CNTNAP3B: variants seen among roughly 807,000 people sequenced by gnomAD.
CNTNAP3B encodes contactin associated protein family member 3B, also known as contactin-associated protein-like 3B.
CNTNAP3B carries 25 observed loss-of-function variants against 108.9 expected under a neutral mutation model. That is an observed-to-expected ratio of 0.23 (90% CI 0.17 to 0.32). The LOEUF is 0.32. CNTNAP3B is among the 10% of genes least tolerant of loss of function. The probability of loss-of-function intolerance (pLI) is 1.00; values close to 1 mark genes in which losing one functional copy is unlikely to be tolerated. For synonymous variants in CNTNAP3B, 103 were observed against 473.4 expected (o/e 0.22, Z 10.16); for missense variants, 252 against 1,210.4 (o/e 0.21, Z 11.75).
intron 1 of CNTNAP3B, among the ~76,000 whole-genome samples, chr9:42,116,572 C>G (rs1173604590): frequency 2.9e-5 from 4 of 137,980 alleles, no homozygotes; most frequent in Non-Finnish European, 6.2e-5. Context: ...CAAAAACATG[C>G]CAAATTGTAA....
intron 3 of CNTNAP3B, among the ~76,000 whole-genome samples, chr9:42,056,341 A>G (rs1280043652): frequency 7.2e-6 from 1 of 138,038 alleles, no homozygotes; most frequent in Non-Finnish European, 1.5e-5. Flanking sequence ...TATTATTATT[A>G]TTATTATTAT....
chr9:41,998,139 AC>A (rs1181364283), intron 5 of CNTNAP3B, among the ~76,000 whole-genome samples: 1 of 104,460 alleles, frequency 9.6e-6, no homozygotes, highest in Non-Finnish European at 1.9e-5. Context: ...TATGCTGTTT[AC>A]AGAAATCATA....
At chr9:41,952,293 G>T (rs1359891855) in intron 13 of CNTNAP3B, among the ~76,000 whole-genome samples, 1 of 152,114 alleles carries the variant, frequency 6.6e-6, no homozygotes, top group Non-Finnish European at 1.5e-5. Flanking sequence ...GTTTTTTTAA[G>T]ACAAGGTGTT....
chr9:42,033,225 C>T (rs948545355), intron 3 of CNTNAP3B, among the ~76,000 whole-genome samples: 13 of 144,950 alleles, frequency 9.0e-5, no homozygotes, highest in Non-Finnish European at 1.7e-4. Flanking sequence ...GGTTAATATT[C>T]TTGAAAACTA....
chr9:42,036,064 C>T (rs1826621529), intron 3 of CNTNAP3B, among the ~76,000 whole-genome samples: 1 of 149,316 alleles, frequency 6.7e-6, no homozygotes, highest in Non-Finnish European at 1.5e-5. Flanking sequence ...GCCAAGATCG[C>T]ACCACTGCAC....
At chr9:41,968,826 C>G (rs1246988801) in intron 10 of CNTNAP3B, among the ~76,000 whole-genome samples, 1 of 148,722 alleles carries the variant, frequency 6.7e-6, no homozygotes, top group African/African-American at 2.5e-5. Context: ...TGAGAAGAGT[C>G]TGGCTCTGTT....
At chr9:41,934,168 C>CATATATATACACACACACACAT (rs1824078311) in intron 14 of CNTNAP3B, among the ~76,000 whole-genome samples, 7 of 100,316 alleles carry the variant, frequency 7.0e-5, no homozygotes, top group Non-Finnish European at 1.5e-4. Context: ...CACACACACA[C>CATATATATACACACACACACAT]ATATATATAC....
At chr9:42,115,744 A>G (rs1828300849) in intron 1 of CNTNAP3B, among the ~76,000 whole-genome samples, 2 of 119,584 alleles carry the variant, frequency 1.7e-5, no homozygotes, top group African/African-American at 3.5e-5. Flanking sequence ...AGGTACATAA[A>G]ACCACAAAGA....
chr9:41,940,282 G>T (rs1211096887), intron 13 of CNTNAP3B, among the ~76,000 whole-genome samples: 1 of 152,268 alleles, frequency 6.6e-6, no homozygotes, highest in African/African-American at 2.4e-5. Flanking sequence ...CAAAAATATC[G>T]ACACCAAGAT....
intron 1 of CNTNAP3B, among the ~76,000 whole-genome samples, chr9:42,119,542 A>G (rs1295539618): frequency 7.9e-6 from 1 of 126,816 alleles, no homozygotes; most frequent in Non-Finnish European, 1.6e-5. Context: ...AGCCAAAAGA[A>G]CAAAGCTGGA....
At chr9:41,947,593 G>A (rs1398769247) in intron 13 of CNTNAP3B, among the ~76,000 whole-genome samples, 4 of 152,072 alleles carry the variant, frequency 2.6e-5, no homozygotes, top group African/African-American at 4.8e-5. Flanking sequence ...AAAGAAGAAA[G>A]CCCTAAAGCC....
chr9:41,942,472 G>T (rs1359823642), intron 13 of CNTNAP3B, among the ~76,000 whole-genome samples: 4 of 151,548 alleles, frequency 2.6e-5, no homozygotes, highest in Non-Finnish European at 5.9e-5. Flanking sequence ...TTAGCCGGGC[G>T]TGGTGGCGGG....
chr9:42,089,738 A>G (rs1163261238), intron 2 of CNTNAP3B, among the ~76,000 whole-genome samples: 1 of 147,412 alleles, frequency 6.8e-6, no homozygotes, highest in Non-Finnish European at 1.5e-5. Flanking sequence ...GTGGAGAAAT[A>G]TGAGGAGTGG....
At chr9:42,089,427 G>C (rs184232880) in intron 2 of CNTNAP3B, among the ~76,000 whole-genome samples, 4 of 132,858 alleles carry the variant, frequency 3.0e-5, no homozygotes, top group Non-Finnish European at 4.8e-5. Flanking sequence ...GTGCAGAATA[G>C]TGGAAATTCT....
In CNTNAP3B at chr9:41,965,457, A is replaced by G. The variant is rs1292202686; in HGVS notation, c.1650-813T>C. On this transcript the variant is annotated intron_variant, in intron 10 of 23. Transcript: ENST00000377561. ...GGGTACACTATGGAAACTGACCAGC[A>G]CCTGACACAGAGTGTCACCAAGAGG... Among the ~76,000 whole-genome samples the G allele has an allele frequency of 3.3e-5, 5 of 151,192 alleles. No homozygotes were observed. The East Asian group carries it at 9.6e-4, about 29-fold the overall frequency.
chr9:41,986,736 A>G (rs900789348), intron 8 of CNTNAP3B, among the ~76,000 whole-genome samples: 2 of 148,664 alleles, frequency 1.3e-5, no homozygotes, highest in Non-Finnish European at 3.0e-5. Context: ...ATGATTGTGA[A>G]AAGGTTTTTT....
intron 3 of CNTNAP3B, among the ~76,000 whole-genome samples, chr9:42,035,520 C>CA (rs1224633976): frequency 6.8e-6 from 1 of 146,904 alleles, no homozygotes; most frequent in Non-Finnish European, 1.5e-5. Context: ...GGACTTTGGA[C>CA]AAAAATCCTT....
intron 1 of CNTNAP3B, among the ~76,000 whole-genome samples, chr9:42,121,098 A>G (rs1812656809): frequency 1.4e-5 from 2 of 138,722 alleles, no homozygotes; most frequent in African/African-American, 2.9e-5. Flanking sequence ...TAGAGCCAGG[A>G]GTTAGCACCC....
chr9:41,967,574 G>A (rs1356730026), intron 10 of CNTNAP3B, among the ~76,000 whole-genome samples: 1 of 152,296 alleles, frequency 6.6e-6, no homozygotes, highest in African/African-American at 2.4e-5. Flanking sequence ...AAGAAAGGCT[G>A]ATAGATGCTT....
Sources: gnomAD v4.1 joint callset for allele counts (sites outside exome capture counted in the v4.1 genomes callset) on GRCh38, gnomAD v4.1.1 for gene constraint, MANE v1.5 for transcripts, NCBI Gene and HGNC (gene_info 2026-07-23, HGNC 2026-07-21) for gene names.